The following AAK1 variants were observed in gnomAD, a reference collection of about 807,000 sequenced individuals.
AAK1 encodes the protein AP2 associated kinase 1.
Under a neutral mutation model 116.0 loss-of-function variants are expected in AAK1, and 37 were observed. The observed-to-expected ratio is 0.32, with a 90% confidence interval of 0.25 to 0.42. The LOEUF is 0.42. Ranked by LOEUF, AAK1 falls within the 10% of genes least tolerant of loss-of-function variation. The pLI, the probability that AAK1 is intolerant of heterozygous loss-of-function variation, is 1.00. For synonymous variants in AAK1, 458 were observed against 439.9 expected (o/e 1.04, Z -0.51); for missense variants, 919 against 1,170.6 (o/e 0.79, Z 3.14).
intron 12 of AAK1, among the ~76,000 whole-genome samples, chr2:69,515,314 T>G (rs1244359866): frequency 3.9e-5 from 6 of 152,208 alleles, no homozygotes; most frequent in African/African-American, 1.4e-4. Context: ...GTGTGCTCTA[T>G]GACGCTTCCT....
chr2:69,584,332 C>T (rs1672671471), intron 2 of AAK1, among the ~76,000 whole-genome samples: 1 of 152,226 alleles, frequency 6.6e-6, no homozygotes, highest in Non-Finnish European at 1.5e-5. Context: ...CATTCCGAGA[C>T]TCTGGGTTGA....
At chr2:69,501,784 A>G (rs969780565) in intron 16 of AAK1, among the ~76,000 whole-genome samples, 18 of 152,196 alleles carry the variant, frequency 1.2e-4, no homozygotes, top group Admixed American at 5.9e-4. Context: ...AGCCTGGCCA[A>G]TATGGTGAAA....
chr2:69,546,115 T>G (rs1670913976), intron 3 of AAK1, among the ~76,000 whole-genome samples: 1 of 151,216 alleles, frequency 6.6e-6, no homozygotes, highest in Non-Finnish European at 1.5e-5. Context: ...TTTTTCCCCC[T>G]GGCAAGCAGG....
chr2:69,515,001 A>G lies in AAK1; in HGVS notation c.1498-252T>C, dbSNP rs73935099. Among the ~76,000 whole-genome samples the G allele has an allele frequency of 1.6e-3, 243 of 152,248 alleles. 1 individual carries two copies. Among genetic ancestry groups the G allele is most frequent in the African/African-American group, 5.0e-3 (209 of 41,532 alleles). On this transcript the variant is annotated intron_variant, in intron 12 of 21. Coordinates refer to ENST00000409085, the MANE Select transcript of AAK1 (RefSeq NM_014911.5). ...TCCTGCACTACAGACTGGCCTTCCA[A>G]GTGGGTTTCTGGGCCTTGCCTAAGG...
intron 2 of AAK1, among the ~76,000 whole-genome samples, chr2:69,578,128 T>G (rs1181736106): frequency 6.6e-6 from 1 of 152,208 alleles, no homozygotes; most frequent in Non-Finnish European, 1.5e-5. Context: ...AGTCCAGGGC[T>G]TTAGATGAAG....
At chr2:69,547,080 G>C (rs1243736831) in intron 3 of AAK1, among the ~76,000 whole-genome samples, 2 of 152,048 alleles carry the variant, frequency 1.3e-5, no homozygotes, top group Non-Finnish European at 2.9e-5. Context: ...AGTAGTGCTG[G>C]GACAAGTGGG....
chr2:69,636,602 T>C (rs1675457090), intron 2 of AAK1, among the ~76,000 whole-genome samples: 1 of 152,232 alleles, frequency 6.6e-6, no homozygotes, highest in Admixed American at 6.5e-5. Context: ...TCACCTGTGC[T>C]GTCCAAAACT....
chr2:69,603,740 A>AATC (rs144591529), intron 2 of AAK1, among the ~76,000 whole-genome samples: 17,042 of 151,802 alleles, frequency 0.11, 2,168 homozygotes, highest in African/African-American at 0.29. Context: ...GCAGAATTAA[A>AATC]ATCATCATCA....
intron 2 of AAK1, among the ~76,000 whole-genome samples, chr2:69,569,775 A>G (rs1023419608): frequency 1.3e-5 from 2 of 152,128 alleles, no homozygotes; most frequent in Non-Finnish European, 2.9e-5. Flanking sequence ...TATTTTACTC[A>G]TCATAATTGT....
chr2:69,490,862 T>G (rs973993789), intron 17 of AAK1, among the ~76,000 whole-genome samples: 1 of 152,108 alleles, frequency 6.6e-6, no homozygotes, highest in Non-Finnish European at 1.5e-5. Context: ...TTTAAAAATA[T>G]TGTCCCCAGT....
At chr2:69,623,629 T>C (rs10194597) in intron 2 of AAK1, among the ~76,000 whole-genome samples, 20,015 of 151,986 alleles carry the variant, frequency 0.13, 3,055 homozygotes, top group African/African-American at 0.36. Flanking sequence ...GCATGGGCAA[T>C]ATAGCAAAAC....
chr2:69,643,041 C>T lies in AAK1; in HGVS notation c.-1G>A. On this transcript the variant is annotated 5_prime_UTR_variant, in exon 2 of 22. Coordinates refer to ENST00000409085, the MANE Select transcript of AAK1 (RefSeq NM_014911.5). ...GCCGGGAGTCGAAAAACTTCTTCAT[C>T]TTGCGAATAGGGAGCAGCAAAGCAA... 6.3e-7 allele frequency: 1 copy of T among 1,596,368 alleles called. No individual in the cohort carries two copies. The highest frequency in any genetic ancestry group is 1.1e-5 in the South Asian group (1 of 89,016).
chr2:69,601,695 C>T (rs1399488535), intron 2 of AAK1, among the ~76,000 whole-genome samples: 1 of 152,052 alleles, frequency 6.6e-6, no homozygotes, highest in Non-Finnish European at 1.5e-5. Flanking sequence ...ATTGGCTTAT[C>T]TGCCTAAACG....
At chr2:69,522,941 A>G (rs1275141391) in intron 10 of AAK1, among the ~76,000 whole-genome samples, 3 of 152,250 alleles carry the variant, frequency 2.0e-5, no homozygotes, top group African/African-American at 7.2e-5. Context: ...ATCTGGAGCC[A>G]AAGAAAAATA....
At chr2:69,521,103 A>C (rs1416013150) in intron 10 of AAK1, 115 bp from the exon 11 acceptor site, 3 of 1,144,588 alleles carry the variant, frequency 2.6e-6, no homozygotes, top group Non-Finnish European at 3.8e-6. Flanking sequence ...GGTCTGTTTA[A>C]TCGATGCTTC....
intron 2 of AAK1, among the ~76,000 whole-genome samples, chr2:69,606,371 G>T (rs748487630): frequency 1.3e-5 from 2 of 152,128 alleles, no homozygotes; most frequent in Non-Finnish European, 2.9e-5. Context: ...TCCTTCTCTT[G>T]TACTACCTGG....
chr2:69,599,379 TAAAA>T (rs34685588), intron 2 of AAK1, among the ~76,000 whole-genome samples: 2 of 103,560 alleles, frequency 1.9e-5, no homozygotes, highest in Admixed American at 1.0e-4. Flanking sequence ...TAGTTCTGTG[TAAAA>T]AAAAAAAAAA....
At chr2:69,613,455 G>T (rs969191374) in intron 2 of AAK1, among the ~76,000 whole-genome samples, 2 of 152,164 alleles carry the variant, frequency 1.3e-5, no homozygotes, top group Non-Finnish European at 1.5e-5. Flanking sequence ...ATGGCTAGTG[G>T]CTGGGCTTCC....
intron 3 of AAK1, 52 bp from the exon 4 acceptor site, chr2:69,544,596 A>C: frequency 7.8e-7 from 1 of 1,281,574 alleles, no homozygotes. Flanking sequence ...CCAATAGGAC[A>C]GAATTAGCCA....
Sources: gnomAD v4.1 joint callset for allele counts (sites outside exome capture counted in the v4.1 genomes callset) on GRCh38, gnomAD v4.1.1 for gene constraint, MANE v1.5 for transcripts, NCBI Gene and HGNC (gene_info 2026-07-23, HGNC 2026-07-21) for gene names.